Variants in ATXN7L1 observed in about 807,000 individuals in gnomAD.
ATXN7L1 encodes ataxin-7-like protein 1.
Under a neutral mutation model 70.8 loss-of-function variants are expected in ATXN7L1, and 15 were observed. The ratio of observed to expected loss-of-function variants is 0.21; its 90% CI spans 0.14 to 0.33. The LOEUF (loss-of-function observed/expected upper bound fraction) is 0.33. Ranked by LOEUF, ATXN7L1 falls within the 10% of genes least tolerant of loss-of-function variation. The pLI is 1.00. For missense variants in ATXN7L1, 975 were observed against 1,097.1 expected, an observed-to-expected ratio of 0.89 and a Z score of 1.57; for synonymous variants, 440 against 445.1, an observed-to-expected ratio of 0.99 and a Z score of 0.14.
intron 7 of ATXN7L1, among the ~76,000 whole-genome samples, chr7:105,631,839 C>A (rs6944509): frequency 0.055 from 8,406 of 152,282 alleles, 547 homozygotes; most frequent in African/African-American, 0.15. Context: ...AGATTCTAGA[C>A]ACGGGGCCAT....
intron 3 of ATXN7L1, among the ~76,000 whole-genome samples, chr7:105,681,627 T>C (rs1383877279): frequency 1.3e-5 from 2 of 152,120 alleles, no homozygotes; most frequent in African/African-American, 2.4e-5. Context: ...TTACTCACAA[T>C]AGTCAAAAGG....
intron 2 of ATXN7L1, among the ~76,000 whole-genome samples, chr7:105,803,554 T>C (rs1807130782): frequency 6.6e-6 from 1 of 152,216 alleles, no homozygotes; most frequent in African/African-American, 2.4e-5. Flanking sequence ...CCACCTTTAC[T>C]GCTGAGATAA....
chr7:105,799,497 T>TGGGCTCCTATTCAGACGGTCTC (rs141640114), intron 2 of ATXN7L1, among the ~76,000 whole-genome samples: 1 of 151,838 alleles, frequency 6.6e-6, no homozygotes, highest in African/African-American at 2.4e-5. Context: ...CTGGCCATGG[T>TGGGCTCCTATTCAGACGGTCTC]GGGCGAGAGA....
intron 2 of ATXN7L1, among the ~76,000 whole-genome samples, chr7:105,870,839 T>C (rs1818153140): frequency 6.6e-6 from 1 of 152,204 alleles, no homozygotes; most frequent in Non-Finnish European, 1.5e-5. Flanking sequence ...GAAATCTGAA[T>C]GCCTGACTGA....
At chr7:105,619,557 T>A (rs1283005374) in intron 9 of ATXN7L1, among the ~76,000 whole-genome samples, 70 of 64,592 alleles carry the variant, frequency 1.1e-3, no homozygotes, top group Non-Finnish European at 2.0e-3. Context: ...TTTTTTTTTT[T>A]TTTTTTTTTT....
chr7:105,609,836 A>G (rs983014544), intron 11 of ATXN7L1, among the ~76,000 whole-genome samples: 15 of 151,986 alleles, frequency 9.9e-5, no homozygotes, highest in Non-Finnish European at 1.8e-4. Context: ...CAGTGGTGCA[A>G]TCTCAGCTCA....
At chr7:105,679,220 G>A in intron 3 of ATXN7L1, 3 of 884,126 alleles carry the variant, frequency 3.4e-6, no homozygotes, top group Non-Finnish European at 4.1e-6. Context: ...GGGAAAGGCA[G>A]AAAGAAAAGC....
At chr7:105,644,893 T>C (rs1278417574) in intron 4 of ATXN7L1, among the ~76,000 whole-genome samples, 3 of 152,204 alleles carry the variant, frequency 2.0e-5, no homozygotes, top group Non-Finnish European at 4.4e-5. Context: ...AATGGATGAA[T>C]GGATAAGCAA....
intron 4 of ATXN7L1, among the ~76,000 whole-genome samples, chr7:105,661,477 T>C (rs138583269): frequency 5.3e-5 from 8 of 152,314 alleles, no homozygotes; most frequent in Admixed American, 4.6e-4. Context: ...TTGATAGGAC[T>C]GTGATATAGA....
At chr7:105,708,730 A>C (rs1363455867) in intron 3 of ATXN7L1, among the ~76,000 whole-genome samples, 7 of 152,222 alleles carry the variant, frequency 4.6e-5, no homozygotes, top group Admixed American at 4.6e-4. Flanking sequence ...GTAACAATCA[A>C]AAGAATATTA....
intron 4 of ATXN7L1, among the ~76,000 whole-genome samples, chr7:105,644,494 T>G (rs188555768): frequency 1.3e-3 from 199 of 152,326 alleles, no homozygotes; most frequent in Middle Eastern, 3.4e-3. Context: ...GACAGTTTTT[T>G]GTAACAAACC....
At chr7:105,641,210 CTCTCTTTTTTTTTTTTT>C (rs1798145994) in intron 5 of ATXN7L1, among the ~76,000 whole-genome samples, 1 of 60,632 alleles carries the variant, frequency 1.6e-5, no homozygotes, top group African/African-American at 6.5e-5. Context: ...CTCTCTCTCT[CTCTCTTTTTTTTTTTTT>C]TTTTTTTTTT....
chr7:105,826,754 G>C (rs1810927184), intron 2 of ATXN7L1, among the ~76,000 whole-genome samples: 1 of 152,114 alleles, frequency 6.6e-6, no homozygotes, highest in African/African-American at 2.4e-5. Context: ...ATGAGAAGGA[G>C]GCTGGACAGT....
intron 3 of ATXN7L1, among the ~76,000 whole-genome samples, chr7:105,744,640 T>C (rs1424444165): frequency 1.3e-5 from 2 of 151,402 alleles, no homozygotes; most frequent in South Asian, 2.1e-4. Context: ...CCAAGACTTG[T>C]AATCTTTAAA....
intron 3 of ATXN7L1, chr7:105,679,110 G>A: frequency 1.4e-5 from 14 of 986,070 alleles, no homozygotes; most frequent in Non-Finnish European, 1.7e-5. Context: ...GCTGGGCAAC[G>A]CGACTCGTGG....
At chr7:105,862,233 G>A (rs751558464) in intron 2 of ATXN7L1, among the ~76,000 whole-genome samples, 3 of 152,202 alleles carry the variant, frequency 2.0e-5, no homozygotes, top group East Asian at 1.9e-4. Context: ...CCAGGAGTTC[G>A]AGACCAGCCT....
chr7:105,715,404 G>A (rs1290294691), intron 3 of ATXN7L1, among the ~76,000 whole-genome samples: 1 of 152,166 alleles, frequency 6.6e-6, no homozygotes, highest in Non-Finnish European at 1.5e-5. Context: ...TAGCAGCCTC[G>A]GTACTTCCTC....
At chr7:105,686,825 G>A (rs1471916677) in intron 3 of ATXN7L1, among the ~76,000 whole-genome samples, 6 of 152,154 alleles carry the variant, frequency 3.9e-5, no homozygotes, top group African/African-American at 9.7e-5. Context: ...GTCAGACACC[G>A]TCTGTATCTA....
chr7:105,751,416 G>A lies in ATXN7L1; in HGVS notation c.355+37188C>T, dbSNP rs376635729. Among the ~76,000 whole-genome samples the A allele has an allele frequency of 4.9e-4, 74 of 152,218 alleles. 1 individual carries two copies. In the South Asian group the frequency reaches 0.013, roughly 27 times the overall value. On this transcript the variant is annotated intron_variant, in intron 3 of 11. Transcript: ENST00000419735. Reference sequence around the variant, plus strand: ...CTCATGCCTGACGGGTGAATCACTTGTGTTCTGGAGTTCGAGACCAGCCTG... The same window carrying A: ...CTCATGCCTGACGGGTGAATCACTTATGTTCTGGAGTTCGAGACCAGCCTG...
Sources: allele counts gnomAD v4.1 joint callset (sites outside exome capture counted in the v4.1 genomes callset), GRCh38; gene constraint gnomAD v4.1.1; transcripts MANE v1.5; gene names NCBI Gene and HGNC (gene_info 2026-07-23, HGNC 2026-07-21).